ABCC8: variants seen among roughly 807,000 people sequenced by gnomAD.
The protein encoded by ABCC8 is ATP binding cassette subfamily C member 8, also known as ATP-binding cassette sub-family C member 8.
In ABCC8, 137 loss-of-function variants were observed where a neutral mutation model predicts 188.0. The observed-to-expected ratio is 0.73, with a 90% CI of 0.63 to 0.84. The LOEUF (loss-of-function observed/expected upper bound fraction) is 0.84. Ranked by LOEUF, ABCC8 falls within the 40% of genes least tolerant of loss-of-function variation. ABCC8 has a pLI of 0.00. For synonymous variants in ABCC8, 797 were observed against 846.5 expected (o/e 0.94, Z 1.01); for missense variants, 1,750 against 2,072.7 (o/e 0.84, Z 3.02).
At chr11:17,443,504 T>C in intron 8 of ABCC8, 192 bp from the exon 9 acceptor site, 1 of 772,504 alleles carries the variant, frequency 1.3e-6, no homozygotes, top group South Asian at 1.7e-5. Flanking sequence ...GTTAGCATAA[T>C]GGGCTCTCAT....
downstream of ABCC8, chr11:17,392,838 C>T (rs906483760): frequency 3.4e-6 from 3 of 887,454 alleles, no homozygotes; most frequent in African/African-American, 3.3e-5. Context: ...TTCTACTGAA[C>T]CCACCATCCA....
chr11:17,456,142 A>C (rs765372454), intron 6 of ABCC8, among the ~76,000 whole-genome samples: 1 of 152,102 alleles, frequency 6.6e-6, no homozygotes, highest in Non-Finnish European at 1.5e-5. Context: ...CACTTGGTGG[A>C]AGAAAATGCT....
intron 3 of ABCC8, among the ~76,000 whole-genome samples, chr11:17,467,042 C>CCA (rs569546580): frequency 0.24 from 32,332 of 132,030 alleles, 3,858 homozygotes; most frequent in Admixed American, 0.28. Flanking sequence ...ACATGTTAAA[C>CCA]CACACACACA....
Position 17,414,648 on chromosome 11 carries a change from C to T in ABCC8, c.2292-38G>A, listed in dbSNP as rs767201847. The stretch of plus-strand genomic sequence containing the variant: ...GGGCGGGAGTAGGGGGTGCGGAAGG[C>T]ATTCTCAGGGGCTTGTTCTCAGAGG... On this transcript the variant is annotated intron_variant, in intron 18 of 38. Transcript: ENST00000389817. 8.7e-6 allele frequency: 14 copies of T among 1,612,602 alleles called. No homozygotes were observed. The African/African-American group carries it at 1.9e-4, about 22-fold the overall frequency.
At chr11:17,467,042 C>CCACACA (rs569546580) in intron 3 of ABCC8, among the ~76,000 whole-genome samples, 21,297 of 132,176 alleles carry the variant, frequency 0.16, 1,844 homozygotes, top group Admixed American at 0.19. Flanking sequence ...ACATGTTAAA[C>CCACACA]CACACACACA....
At chr11:17,453,032 G>T in intron 7 of ABCC8, 87 bp downstream of exon 7, 1 of 1,196,302 alleles carries the variant, frequency 8.4e-7, no homozygotes, top group Non-Finnish European at 1.2e-6. Context: ...AATTATTCTT[G>T]AGTGTCCATG....
chr11:17,443,317 G>T lies in ABCC8; in HGVS notation c.1333-5C>A. 1 of 1,614,050 alleles carries T rather than the reference G, an allele frequency of 6.2e-7. No individual in the cohort carries two copies. On this transcript the variant is annotated splice_polypyrimidine_tract_variant and splice_region_variant and intron_variant, in intron 8 of 38. Transcript: ENST00000389817. ...GAGAATCACACCCACAATGATCTGAGGAAGGGGTCATGGGTCAGGTCCCTT... is the reference window on the plus strand; with the variant it reads ...GAGAATCACACCCACAATGATCTGATGAAGGGGTCATGGGTCAGGTCCCTT...
intron 10 of ABCC8, among the ~76,000 whole-genome samples, chr11:17,432,539 G>C (rs940391344): frequency 2.0e-5 from 3 of 152,234 alleles, no homozygotes; most frequent in South Asian, 2.1e-4. Flanking sequence ...AAGGATGGGA[G>C]AGTTGGCTGG....
At chr11:17,418,863 G>C (rs1358961790) in intron 16 of ABCC8, among the ~76,000 whole-genome samples, 2 of 152,200 alleles carry the variant, frequency 1.3e-5, no homozygotes, top group Non-Finnish European at 2.9e-5. Context: ...AATGAATGGA[G>C]GCTGGTAACA....
At chr11:17,393,887 C>A in intron 37 of ABCC8, 128 bp from the exon 38 acceptor site, 1 of 1,581,654 alleles carries the variant, frequency 6.3e-7, no homozygotes, top group Non-Finnish European at 8.6e-7. Context: ...CCCACCCCCA[C>A]CCCACAGGAC....
At chr11:17,411,934 C>T (rs1954826303) in intron 21 of ABCC8, among the ~76,000 whole-genome samples, 1 of 150,530 alleles carries the variant, frequency 6.6e-6, no homozygotes, top group African/African-American at 2.5e-5. Context: ...CGGTTTGTCC[C>T]CAGGCTGGAG....
chr11:17,450,375 T>C lies in ABCC8; in HGVS notation c.1177-1704A>G, dbSNP rs373347499. On this transcript the variant is annotated intron_variant, in intron 7 of 38. Coordinates refer to ENST00000389817, the MANE Select transcript of ABCC8 (RefSeq NM_000352.6). ...TTTCTTTCCTTCCTTTCCTTTCCTT[T>C]CTTTCCTTTCCTTTCCTTCTTTCTT... is the stretch of plus-strand genomic sequence containing the variant. Among the ~76,000 whole-genome samples, 76 of 62,344 alleles carry C rather than the reference T, an allele frequency of 1.2e-3. 1 individual carries two copies. The highest frequency in any genetic ancestry group is 0.026 in the Middle Eastern group (2 of 78). The allele number at this position is 62,344 out of a possible 152,430, so 40.9% of individuals were successfully genotyped here.
chr11:17,408,540 G>T (rs761656229), intron 22 of ABCC8, 23 bp from the exon 23 acceptor site: 1 of 1,602,862 alleles, frequency 6.2e-7, no homozygotes, highest in Non-Finnish European at 8.5e-7. Context: ...CAACAAACGT[G>T]GTTTGGGGGC....
chr11:17,418,590 G>T (rs1955189807), intron 16 of ABCC8, among the ~76,000 whole-genome samples: 1 of 152,184 alleles, frequency 6.6e-6, no homozygotes, highest in South Asian at 2.1e-4. Flanking sequence ...TATCTCTGGA[G>T]TCTTCCTGAT....
At chr11:17,438,177 T>C (rs59834368) in intron 10 of ABCC8, among the ~76,000 whole-genome samples, 3,977 of 152,258 alleles carry the variant, frequency 0.026, 181 homozygotes, top group African/African-American at 0.091. Context: ...ATGTTGTTTT[T>C]CTCCACTGCC....
chr11:17,407,546 A>G (rs368494251), intron 23 of ABCC8, 93 bp from the exon 24 acceptor site: 23 of 1,580,918 alleles, frequency 1.5e-5, no homozygotes, highest in Admixed American at 7.3e-5. Flanking sequence ...GTGATGACCA[A>G]TGTCAGATTT....
At chr11:17,397,528 C>A in intron 31 of ABCC8, 156 bp downstream of exon 31, 1 of 1,414,548 alleles carries the variant, frequency 7.1e-7, no homozygotes, top group Non-Finnish European at 9.6e-7. Context: ...GGCCCTGGGG[C>A]CTGCTGGTCA....
intron 1 of ABCC8, 22 bp downstream of exon 1, chr11:17,476,607 G>C: frequency 6.2e-7 from 1 of 1,608,688 alleles, no homozygotes; most frequent in South Asian, 1.1e-5. Flanking sequence ...CCCCTCCTCC[G>C]CGGCTCGCTG....
intron 19 of ABCC8, among the ~76,000 whole-genome samples, chr11:17,413,902 C>A (rs1193719619): frequency 1.3e-5 from 2 of 152,158 alleles, no homozygotes; most frequent in Non-Finnish European, 2.9e-5. Flanking sequence ...TTAGCCTGGG[C>A]AGGTGCCAGC....
Sources: allele counts gnomAD v4.1 joint callset (sites outside exome capture counted in the v4.1 genomes callset), GRCh38; gene constraint gnomAD v4.1.1; transcripts MANE v1.5; gene names NCBI Gene and HGNC (gene_info 2026-07-23, HGNC 2026-07-21).